ELMO1: variants seen among roughly 807,000 people sequenced by gnomAD.
ELMO1 encodes the protein engulfment and cell motility protein 1.
In ELMO1, 26 loss-of-function variants were observed where a neutral mutation model predicts 98.9. The observed-to-expected ratio is 0.26, with a 90% CI of 0.19 to 0.36. The LOEUF is 0.36. Among genes scored for constraint, ELMO1 ranks in the 10% least tolerant of loss-of-function variants. The probability of loss-of-function intolerance (pLI) is 1.00; values close to 1 mark genes in which losing one functional copy is unlikely to be tolerated. For missense variants in ELMO1, 627 were observed against 935.2 expected, an observed-to-expected ratio of 0.67 and a Z score of 4.30; for synonymous variants, 346 against 346.0, an observed-to-expected ratio of 1.00 and a Z score of 0.00.
intron 1 of ELMO1, among the ~76,000 whole-genome samples, chr7:37,376,566 C>T (rs1802355474): frequency 6.6e-6 from 1 of 152,194 alleles, no homozygotes. Flanking sequence ...AAGGAACTGA[C>T]TCAATTAGTA....
intron 1 of ELMO1, among the ~76,000 whole-genome samples, chr7:37,347,805 G>C (rs1458888805): frequency 6.6e-6 from 1 of 152,128 alleles, no homozygotes; most frequent in African/African-American, 2.4e-5. Context: ...GATGATCAGG[G>C]CAACCTATCC....
At chr7:36,871,285 T>G (rs1318623700) in intron 19 of ELMO1, among the ~76,000 whole-genome samples, 3 of 152,182 alleles carry the variant, frequency 2.0e-5, no homozygotes, top group African/African-American at 7.2e-5. Flanking sequence ...CCTGTAATTC[T>G]AGCACTTTGA....
intron 1 of ELMO1, among the ~76,000 whole-genome samples, chr7:37,369,671 G>GA (rs1802036397): frequency 1.1e-5 from 1 of 88,384 alleles, no homozygotes; most frequent in African/African-American, 4.3e-5. Flanking sequence ...AGCCCAAAAT[G>GA]TAAAAAAAAA....
intron 16 of ELMO1, among the ~76,000 whole-genome samples, chr7:36,975,846 A>G (rs995735487): frequency 4.2e-5 from 3 of 71,226 alleles, no homozygotes; most frequent in Non-Finnish European, 7.6e-5. Context: ...CACTTGCCTG[A>G]AAAAAAAAAA....
chr7:37,375,466 G>A, intron 1 of ELMO1: 4 of 682,418 alleles, frequency 5.9e-6, no homozygotes, highest in South Asian at 4.9e-5. Context: ...GAGGTTCGAA[G>A]CAAGATGGAG....
intron 1 of ELMO1, among the ~76,000 whole-genome samples, chr7:37,427,650 T>C (rs2131552210): frequency 6.6e-6 from 1 of 152,358 alleles, no homozygotes; most frequent in Non-Finnish European, 1.5e-5. Context: ...CAGTGGATAA[T>C]ATCGCTATTT....
chr7:37,284,101 G>A (rs1398101748), intron 4 of ELMO1, among the ~76,000 whole-genome samples: 2 of 152,124 alleles, frequency 1.3e-5, no homozygotes, highest in Non-Finnish European at 2.9e-5. Context: ...TTAGGGAGAT[G>A]GAGCAACAAT....
intron 4 of ELMO1, among the ~76,000 whole-genome samples, chr7:37,313,683 G>A (rs1799003257): frequency 6.6e-6 from 1 of 152,194 alleles, no homozygotes; most frequent in South Asian, 2.1e-4. Context: ...TGAACTGAAT[G>A]CCCTCCCTCC....
intron 15 of ELMO1, among the ~76,000 whole-genome samples, chr7:37,094,161 G>C (rs1283409917): frequency 6.6e-6 from 1 of 152,158 alleles, no homozygotes; most frequent in Non-Finnish European, 1.5e-5. Context: ...GTCGTCTTAG[G>C]TGAAGAGAGA....
At chr7:36,867,582 T>C (rs1186251456) in intron 20 of ELMO1, among the ~76,000 whole-genome samples, 1 of 152,152 alleles carries the variant, frequency 6.6e-6, no homozygotes, top group African/African-American at 2.4e-5. Context: ...TTCCTTAGTG[T>C]CCTGAGGTGG....
intron 1 of ELMO1, among the ~76,000 whole-genome samples, chr7:37,420,129 G>A (rs1195767471): frequency 2.0e-5 from 3 of 152,180 alleles, no homozygotes; most frequent in Non-Finnish European, 4.4e-5. Context: ...AGCACAGGAC[G>A]AGTCTTGTGC....
intron 15 of ELMO1, among the ~76,000 whole-genome samples, chr7:37,023,639 G>C (rs1794405771): frequency 6.6e-6 from 1 of 152,058 alleles, no homozygotes; most frequent in African/African-American, 2.4e-5. Context: ...ATGGAGTCTT[G>C]CTCTGTCACC....
intron 15 of ELMO1, among the ~76,000 whole-genome samples, chr7:37,067,339 A>AT (rs1221682162): frequency 7.9e-5 from 12 of 152,348 alleles, no homozygotes; most frequent in Non-Finnish European, 8.8e-5. Context: ...TGTGCTGAGC[A>AT]TCTCACTACT....
chr7:36,929,724 G>A (rs533380118), intron 16 of ELMO1, among the ~76,000 whole-genome samples: 36 of 152,304 alleles, frequency 2.4e-4, no homozygotes, highest in Admixed American at 1.8e-3. Flanking sequence ...AATAGCTGGC[G>A]ATGTATACTG....
At chr7:37,013,725 G>A (rs1035475276) in intron 15 of ELMO1, 89 of 326,278 alleles carry the variant, frequency 2.7e-4, no homozygotes, top group Non-Finnish European at 5.8e-5. Context: ...CAAAACTGCT[G>A]TGTTGATTAT....
intron 4 of ELMO1, among the ~76,000 whole-genome samples, chr7:37,303,460 T>C (rs1378833392): frequency 6.6e-6 from 1 of 152,152 alleles, no homozygotes; most frequent in Non-Finnish European, 1.5e-5. Flanking sequence ...CAACAATAAA[T>C]CTCATTTTAG....
In ELMO1 at chr7:37,222,648, C is replaced by G; in HGVS notation, c.747G>C (p.Ala249=). The change falls in exon 10 of 22, where the codon GCG becomes GCC. Residue 249 remains alanine (A), a synonymous_variant. Transcript: ENST00000310758. ...TCTCATCAGGAGCCTTCAGGAAAAG[C>G]GCATTAATCACTGCAATAGTATAGG... ...IQTYTIAVIN[A]LFLKAPDERR... The G allele has an allele frequency of 6.2e-7, 1 of 1,614,078 alleles. No individual in the cohort carries two copies. The highest frequency in any genetic ancestry group is 8.5e-7 in the Non-Finnish European group (1 of 1,179,934).
At chr7:37,443,540 A>G (rs1309003231) in intron 1 of ELMO1, among the ~76,000 whole-genome samples, 1 of 152,124 alleles carries the variant, frequency 6.6e-6, no homozygotes, top group Non-Finnish European at 1.5e-5. Flanking sequence ...TGTTCACCCC[A>G]CCTTAGGCCA....
At chr7:37,344,047 T>TTTA (rs1800861260) in intron 1 of ELMO1, among the ~76,000 whole-genome samples, 1 of 151,408 alleles carries the variant, frequency 6.6e-6, no homozygotes, top group African/African-American at 2.4e-5. Context: ...TTTTTTTTTT[T>TTTA]TTGAGACAGA....
Sources: gnomAD v4.1 joint callset for allele counts (sites outside exome capture counted in the v4.1 genomes callset) on GRCh38, gnomAD v4.1.1 for gene constraint, MANE v1.5 for transcripts, NCBI Gene and HGNC (gene_info 2026-07-23, HGNC 2026-07-21) for gene names.